The following BRINP3 variants were observed in gnomAD, a reference collection of about 807,000 sequenced individuals.
BRINP3 encodes BMP/retinoic acid-inducible neural-specific protein 3.
A neutral mutation model predicts 71.0 loss-of-function variants in BRINP3; 19 were observed. The ratio of observed to expected loss-of-function variants is 0.27; its 90% confidence interval spans 0.19 to 0.39. The LOEUF is 0.39. Among genes scored for constraint, BRINP3 ranks in the 10% least tolerant of loss-of-function variants. The pLI is 1.00. For missense variants in BRINP3, 959 were observed against 940.8 expected (o/e 1.02, Z -0.25); for synonymous variants, 380 against 337.7 (o/e 1.13, Z -1.37).
chr1:190,177,150 C>CTTTTTT lies in BRINP3; in HGVS notation c.962-16266_962-16261dup, dbSNP rs1030190199. On this transcript the variant is annotated intron_variant, in intron 6 of 7. Coordinates refer to ENST00000367462, the MANE Select transcript of BRINP3 (RefSeq NM_199051.3). ...TGGTTTGTCATGGAAGCACCCACTTCTTTTTTTTTTTTTTTTTTTTTTTTT... is the reference window on the plus strand; with the variant it reads ...TGGTTTGTCATGGAAGCACCCACTTCTTTTTTTTTTTTTTTTTTTTTTTTTTTTTTT... Among the ~76,000 whole-genome samples, 24 of 63,218 alleles carry CTTTTTT rather than the reference C, an allele frequency of 3.8e-4. 1 individual carries two copies. Among genetic ancestry groups the CTTTTTT allele is most frequent in the East Asian group, 1.5e-3 (3 of 1,982 alleles). The allele number at this position is 63,218 out of a possible 152,430, so 41.5% of individuals were successfully genotyped here.
At chr1:190,283,049 C>A (rs181029248) in intron 2 of BRINP3, among the ~76,000 whole-genome samples, 1 of 152,100 alleles carries the variant, frequency 6.6e-6, no homozygotes, top group East Asian at 1.9e-4. Context: ...CTGACAGTTT[C>A]TAACTATGGA....
intron 2 of BRINP3, among the ~76,000 whole-genome samples, chr1:190,334,065 A>T (rs991477568): frequency 6.6e-5 from 10 of 151,878 alleles, no homozygotes; most frequent in African/African-American, 2.4e-4. Flanking sequence ...CCTCACATTT[A>T]TACACATAAA....
At chr1:190,148,945 G>A (rs1656151172) in intron 7 of BRINP3, among the ~76,000 whole-genome samples, 1 of 152,096 alleles carries the variant, frequency 6.6e-6, no homozygotes, top group Non-Finnish European at 1.5e-5. Flanking sequence ...TGAAAAACTC[G>A]ACGACCTCTA....
intron 4 of BRINP3, among the ~76,000 whole-genome samples, chr1:190,254,490 T>A (rs1476638336): frequency 6.6e-6 from 1 of 152,146 alleles, no homozygotes; most frequent in Admixed American, 6.6e-5. Context: ...GTCCTTCACA[T>A]CCCTTGTAAG....
Position 190,412,383 on chromosome 1 carries a change from GAT to G in BRINP3, c.236+42270_236+42271del, listed in dbSNP as rs1241993594. ...TAAAAATGTCAAACAACAAAGAAAA[GAT>G]ATATATATATTATATATATATATAT... On this transcript the variant is annotated intron_variant, in intron 2 of 7. Transcript: ENST00000367462. 1.8e-3 allele frequency among the ~76,000 whole-genome samples: 177 copies of G among 96,758 alleles called. 2 individuals are homozygous for G. The Admixed American group carries it at 0.019, about 10-fold the overall frequency. 63.5% of individuals were successfully genotyped at this position (96,758 alleles called of 152,430 possible).
At chr1:190,426,638 G>A (rs1379198323) in intron 2 of BRINP3, among the ~76,000 whole-genome samples, 2 of 151,696 alleles carry the variant, frequency 1.3e-5, no homozygotes, top group African/African-American at 2.4e-5. Flanking sequence ...AACAAATTTG[G>A]TTGTCTCTGG....
Position 190,477,555 on chromosome 1 carries a change from G to A in BRINP3, c.-158C>T, listed in dbSNP as rs1558321951. On this transcript the variant is annotated 5_prime_UTR_variant, in exon 1 of 8. Coordinates refer to ENST00000367462, the MANE Select transcript of BRINP3 (RefSeq NM_199051.3). ...AGGTAAAGTAGTGAGCTGCAGGGTA[G>A]TAGGACTTTAAAATAATCAGCAGTT... is the stretch of plus-strand genomic sequence containing the variant. 6.6e-6 allele frequency: 1 copy of A among 152,168 alleles called. No individual in the cohort carries two copies. Among genetic ancestry groups the A allele is most frequent in the Non-Finnish European group, 1.5e-5 (1 of 68,036 alleles). 9.4% of individuals were successfully genotyped at this position (152,168 alleles called of 1,614,324 possible).
At chr1:190,301,277 G>T (rs1664721443) in intron 2 of BRINP3, among the ~76,000 whole-genome samples, 2 of 131,410 alleles carry the variant, frequency 1.5e-5, no homozygotes, top group African/African-American at 2.8e-5. Context: ...AGTCCACTGG[G>T]GTCAATATTT....
chr1:190,197,504 C>G (rs1571333860), intron 6 of BRINP3, among the ~76,000 whole-genome samples: 1 of 152,304 alleles, frequency 6.6e-6, no homozygotes, highest in South Asian at 2.1e-4. Flanking sequence ...AATGGGGGTA[C>G]AGGCATTGGG....
At chr1:190,134,334 T>C (rs1472247521) in intron 7 of BRINP3, among the ~76,000 whole-genome samples, 1 of 152,120 alleles carries the variant, frequency 6.6e-6, no homozygotes, top group East Asian at 1.9e-4. Context: ...AAGATCAATG[T>C]TGCTGTAACA....
At chr1:190,368,726 A>G (rs1241548069) in intron 2 of BRINP3, among the ~76,000 whole-genome samples, 3 of 152,156 alleles carry the variant, frequency 2.0e-5, no homozygotes, top group Admixed American at 2.0e-4. Flanking sequence ...ACGTGGACCC[A>G]TTTAGATTAA....
intron 1 of BRINP3, 47 bp from the exon 2 acceptor site, chr1:190,454,987 T>C: frequency 1.1e-6 from 1 of 904,980 alleles, no homozygotes; most frequent in South Asian, 1.7e-5. Flanking sequence ...AAGATTCCTT[T>C]CTCTCAGTTA....
chr1:190,373,132 AT>A (rs780062157), intron 2 of BRINP3, among the ~76,000 whole-genome samples: 11 of 152,102 alleles, frequency 7.2e-5, no homozygotes, highest in Non-Finnish European at 1.6e-4. Context: ...ACTGAATAAA[AT>A]TAAAATAGAT....
intron 2 of BRINP3, among the ~76,000 whole-genome samples, chr1:190,350,840 T>C (rs915716784): frequency 6.9e-5 from 9 of 129,660 alleles, no homozygotes; most frequent in Non-Finnish European, 1.0e-4. Context: ...TTTTTTTTTT[T>C]AGACTGTGTT....
At chr1:190,214,405 T>C (rs1656231729) in intron 6 of BRINP3, among the ~76,000 whole-genome samples, 1 of 152,004 alleles carries the variant, frequency 6.6e-6, no homozygotes, top group South Asian at 2.1e-4. Context: ...CTGTTTATCT[T>C]GGGGATGAGG....
chr1:190,260,981 T>A (rs1661136597), intron 4 of BRINP3, among the ~76,000 whole-genome samples: 1 of 152,186 alleles, frequency 6.6e-6, no homozygotes, highest in East Asian at 1.9e-4. Context: ...CAGTAACATA[T>A]CAGTAATTAT....
intron 2 of BRINP3, among the ~76,000 whole-genome samples, chr1:190,381,116 C>A (rs184956383): frequency 6.6e-6 from 1 of 152,030 alleles, no homozygotes; most frequent in Non-Finnish European, 1.5e-5. Flanking sequence ...CTCCCTATAC[C>A]CCATGATATC....
chr1:190,347,575 T>C (rs1043584524), intron 2 of BRINP3, among the ~76,000 whole-genome samples: 42 of 152,322 alleles, frequency 2.8e-4, no homozygotes, highest in African/African-American at 1.0e-3. Flanking sequence ...TCATGGTCTA[T>C]ATGCATTCAG....
At chr1:190,102,782 G>A (rs368777375) in intron 7 of BRINP3, among the ~76,000 whole-genome samples, 68 of 152,006 alleles carry the variant, frequency 4.5e-4, no homozygotes, top group African/African-American at 1.6e-3. Context: ...AGGATATAGA[G>A]AATCTTTATC....
Sources: gnomAD v4.1 joint callset for allele counts (sites outside exome capture counted in the v4.1 genomes callset) on GRCh38, gnomAD v4.1.1 for gene constraint, MANE v1.5 for transcripts, NCBI Gene and HGNC (gene_info 2026-07-23, HGNC 2026-07-21) for gene names.